WWOX: variants seen among roughly 807,000 people sequenced by gnomAD.
WWOX encodes the protein WW domain-containing oxidoreductase.
WWOX carries 69 observed loss-of-function variants against 46.2 expected under a neutral mutation model. The ratio of observed to expected loss-of-function variants is 1.49; its 90% CI spans 1.23 to 1.82. WWOX has a LOEUF of 1.82. Among genes scored for constraint, WWOX ranks in the 40% most tolerant of loss-of-function variants. WWOX has a pLI of 0.00. For missense variants in WWOX, 919 were observed against 542.6 expected (o/e 1.69, Z -6.89); for synonymous variants, 359 against 202.6 (o/e 1.77, Z -6.56).
chr16:79,209,980 G>C (rs2051663126), intron 8 of WWOX, among the ~76,000 whole-genome samples: 1 of 152,186 alleles, frequency 6.6e-6, no homozygotes, highest in South Asian at 2.1e-4. Context: ...ATTTGGAGTG[G>C]GCATGATAAT....
intron 8 of WWOX, among the ~76,000 whole-genome samples, chr16:79,023,714 A>T (rs1466232708): frequency 2.6e-5 from 4 of 151,730 alleles, no homozygotes; most frequent in Admixed American, 2.6e-4. Flanking sequence ...GAGGTCTCAG[A>T]AGTTCGAGAC....
At chr16:78,393,756 C>G (rs1407888360) in intron 6 of WWOX, among the ~76,000 whole-genome samples, 1 of 151,960 alleles carries the variant, frequency 6.6e-6, no homozygotes, top group African/African-American at 2.4e-5. Flanking sequence ...TTTTATGTCT[C>G]TTCTGAACTT....
At chr16:78,943,316 A>C (rs73584232) in intron 8 of WWOX, among the ~76,000 whole-genome samples, 2,795 of 152,172 alleles carry the variant, frequency 0.018, 99 homozygotes, top group African/African-American at 0.064. Context: ...ACGAGTAAAA[A>C]GCAACCCGAG....
chr16:79,011,961 A>G (rs536015589), intron 8 of WWOX, among the ~76,000 whole-genome samples: 9 of 152,088 alleles, frequency 5.9e-5, no homozygotes, highest in Admixed American at 4.6e-4. Flanking sequence ...GCCTCTGTCA[A>G]CTTCCTTATC....
intron 8 of WWOX, among the ~76,000 whole-genome samples, chr16:79,064,855 T>A (rs1275072536): frequency 2.0e-5 from 3 of 152,162 alleles, no homozygotes; most frequent in Non-Finnish European, 4.4e-5. Flanking sequence ...ATTCTAATGT[T>A]GTGTTGGAAG....
chr16:78,251,014 C>A (rs1030541595), intron 5 of WWOX, among the ~76,000 whole-genome samples: 2 of 152,156 alleles, frequency 1.3e-5, no homozygotes, highest in Non-Finnish European at 2.9e-5. Context: ...TTCCCCAGCC[C>A]GGACCACACA....
chr16:78,628,102 C>T (rs1365191381), intron 8 of WWOX, among the ~76,000 whole-genome samples: 1 of 152,098 alleles, frequency 6.6e-6, no homozygotes, highest in East Asian at 1.9e-4. Context: ...GATAGTGGCC[C>T]TACAGTGGAA....
chr16:78,573,450 G>T (rs1250352981), intron 8 of WWOX, among the ~76,000 whole-genome samples: 1 of 152,186 alleles, frequency 6.6e-6, no homozygotes, highest in Non-Finnish European at 1.5e-5. Context: ...TACACCCTGT[G>T]ATTTGAATTT....
intron 5 of WWOX, among the ~76,000 whole-genome samples, chr16:78,254,623 A>G (rs1471642905): frequency 6.8e-6 from 1 of 146,334 alleles, no homozygotes; most frequent in Non-Finnish European, 1.5e-5. Context: ...CTCCCACCTC[A>G]GCCTCCCAAG....
intron 8 of WWOX, among the ~76,000 whole-genome samples, chr16:78,570,812 G>T (rs1293975321): frequency 6.6e-6 from 1 of 152,176 alleles, no homozygotes; most frequent in African/African-American, 2.4e-5. Context: ...ATGGCACTGG[G>T]CTGGAAATGA....
chr16:78,268,085 C>T (rs546268258), intron 5 of WWOX, among the ~76,000 whole-genome samples: 12 of 152,334 alleles, frequency 7.9e-5, no homozygotes, highest in African/African-American at 2.9e-4. Flanking sequence ...TCCCAAAGTG[C>T]TAGGATTACA....
intron 8 of WWOX, among the ~76,000 whole-genome samples, chr16:78,794,366 C>G (rs1020928873): frequency 1.3e-5 from 2 of 152,088 alleles, no homozygotes; most frequent in Non-Finnish European, 2.9e-5. Context: ...GCTCAGGAAG[C>G]TGCCTTATTT....
At chr16:78,889,729 A>G (rs2044546899) in intron 8 of WWOX, among the ~76,000 whole-genome samples, 1 of 152,072 alleles carries the variant, frequency 6.6e-6, no homozygotes, top group Non-Finnish European at 1.5e-5. Context: ...TTTTCCCCCC[A>G]TTTTAACTTG....
chr16:78,473,526 G>C (rs73576808), intron 8 of WWOX, among the ~76,000 whole-genome samples: 5,571 of 152,122 alleles, frequency 0.037, 222 homozygotes, highest in African/African-American at 0.094. Context: ...GGCCCTCTCA[G>C]ACAAAGTTTG....
rs74468076 is a variant in WWOX at position 78,850,911 on chromosome 16, C to T, written c.1057-360697C>T. On this transcript the variant is annotated intron_variant, in intron 8 of 8. Transcript: ENST00000566780. ...AAGATTTCTGTGATCACTTATTGAT[C>T]AGTCATGAATAAGGAATCGGGATGG... Among the ~76,000 whole-genome samples the T allele has an allele frequency of 9.7e-3, 1,475 of 152,302 alleles. 26 individuals are homozygous for T. Among genetic ancestry groups the T allele is most frequent in the African/African-American group, 0.034 (1,409 of 41,556 alleles).
In WWOX at chr16:79,212,274, A is replaced by G. The variant is rs1436670617; in HGVS notation, c.*478A>G. 1 of 1,224,276 alleles carries G rather than the reference A, an allele frequency of 8.2e-7. No homozygotes were observed. The highest frequency in any genetic ancestry group is 2.6e-5 in the East Asian group (1 of 39,036). 75.8% of individuals were successfully genotyped at this position (1,224,276 alleles called of 1,614,324 possible). A position where few individuals can be genotyped will look rare whatever the true frequency, so the allele number is the denominator to read the frequency against. The stretch of plus-strand genomic sequence containing the variant: ...GGAGATAATTGTTTCATTCATCCTG[A>G]CCAAGACTGAGCCAGCTTAGCAACT... On this transcript the variant is annotated 3_prime_UTR_variant, in exon 9 of 9. Coordinates refer to ENST00000566780, the MANE Select transcript of WWOX (RefSeq NM_016373.4).
intron 8 of WWOX, among the ~76,000 whole-genome samples, chr16:78,933,499 G>GT (rs1239048073): frequency 6.6e-6 from 1 of 152,228 alleles, no homozygotes; most frequent in Non-Finnish European, 1.5e-5. Context: ...GACCAAGGTG[G>GT]TGGAATAGGT....
chr16:78,763,514 A>G (rs1051969613), intron 8 of WWOX, among the ~76,000 whole-genome samples: 1 of 152,172 alleles, frequency 6.6e-6, no homozygotes, highest in Non-Finnish European at 1.5e-5. Context: ...CATGAATGCA[A>G]TTTTTTACAT....
intron 8 of WWOX, among the ~76,000 whole-genome samples, chr16:78,815,639 C>T (rs1776925313): frequency 6.6e-6 from 1 of 152,196 alleles, no homozygotes; most frequent in South Asian, 2.1e-4. Flanking sequence ...GAAACTTCGT[C>T]TGAGCCATGG....
Sources: allele counts gnomAD v4.1 joint callset (sites outside exome capture counted in the v4.1 genomes callset), GRCh38; gene constraint gnomAD v4.1.1; transcripts MANE v1.5; gene names NCBI Gene and HGNC (gene_info 2026-07-23, HGNC 2026-07-21).